The following SPTAN1 variants were observed in gnomAD, a reference collection of about 807,000 sequenced individuals.
SPTAN1 encodes spectrin alpha, non-erythrocytic 1.
A neutral mutation model predicts 331.3 loss-of-function variants in SPTAN1; 61 were observed. The observed-to-expected ratio is 0.18, with a 90% CI of 0.15 to 0.23. The LOEUF (loss-of-function observed/expected upper bound fraction) is 0.23, where lower values mean the gene tolerates loss of function less well. Ranked by LOEUF, SPTAN1 falls within the 10% of genes least tolerant of loss-of-function variation. The pLI is 1.00. For synonymous variants in SPTAN1, 1,153 were observed against 1,173.9 expected, an observed-to-expected ratio of 0.98 and a Z score of 0.36; for missense variants, 2,043 against 3,147.9, an observed-to-expected ratio of 0.65 and a Z score of 8.40.
At position 128,566,345 on chromosome 9, in the gene SPTAN1, C is replaced by T. The variant is rs552021457; in HGVS notation, c.-3-393C>T. 4.6e-5 allele frequency among the ~76,000 whole-genome samples: 7 copies of T among 152,208 alleles called. No individual in the cohort carries two copies. The East Asian group carries it at 9.7e-4, about 21-fold the overall frequency. ...TGTTGGGATTACAAGTGTGCGCCAC[C>T]GCACCCCCTGCTTGAAAGGACTTCT... is the stretch of plus-strand genomic sequence containing the variant. On this transcript the variant is annotated intron_variant, in intron 1 of 56. Coordinates refer to ENST00000372739, the MANE Select transcript of SPTAN1 (RefSeq NM_001130438.3).
At chr9:128,585,073 G>A (rs940286968) in intron 18 of SPTAN1, among the ~76,000 whole-genome samples, 1 of 148,504 alleles carries the variant, frequency 6.7e-6, no homozygotes, top group African/African-American at 2.5e-5. Context: ...GGAGTGCAGT[G>A]GCGCGGTCTC....
chr9:128,617,513 G>A (rs534989164), intron 41 of SPTAN1, 127 bp from the exon 42 acceptor site: 13 of 1,438,914 alleles, frequency 9.0e-6, no homozygotes, highest in Admixed American at 1.9e-5. Context: ...TTGTTGTTCA[G>A]AAAACTGGCA....
chr9:128,584,094 C>T, intron 16 of SPTAN1, 125 bp downstream of exon 16: 1 of 1,448,090 alleles, frequency 6.9e-7, no homozygotes, highest in South Asian at 1.2e-5. Flanking sequence ...TCTTAGATCG[C>T]TCTGTGCTGC....
intron 26 of SPTAN1, 154 bp from the exon 27 acceptor site, chr9:128,599,926 A>T (rs1854867171): frequency 1.3e-6 from 1 of 787,388 alleles, no homozygotes; most frequent in South Asian, 1.5e-5. Context: ...GTAGTTTGTT[A>T]CCAGCCAAAC....
chr9:128,622,135 C>T (rs1185399038), intron 45 of SPTAN1: 1 of 152,194 alleles, frequency 6.6e-6, no homozygotes, highest in Non-Finnish European at 1.5e-5. Flanking sequence ...TGCAAATAAA[C>T]TTGCGTGAAA....
chr9:128,562,390 C>T (rs558024865), intron 1 of SPTAN1, among the ~76,000 whole-genome samples: 31 of 152,070 alleles, frequency 2.0e-4, no homozygotes, highest in South Asian at 4.2e-4. Context: ...CGTGAGCCAC[C>T]GCGCCCAGCC....
rs1374814925 is a variant in SPTAN1, at chr9:128,608,122, C to T, written c.4345-8C>T. On this transcript the variant is annotated splice_polypyrimidine_tract_variant and splice_region_variant and intron_variant, in intron 33 of 56. Coordinates refer to ENST00000372739, the MANE Select transcript of SPTAN1 (RefSeq NM_001130438.3). The stretch of plus-strand genomic sequence containing the variant: ...CTCATTTTCTCACCTGCCTCTTGCC[C>T]TCTTTAGCTGTTCCATCGGGACTGT... The T allele has an allele frequency of 6.2e-7, 1 of 1,614,054 alleles. No homozygotes were observed. The highest frequency in any genetic ancestry group is 1.3e-5 in the African/African-American group (1 of 74,896).
At chr9:128,608,095 G>A (rs1177460392) in intron 33 of SPTAN1, 35 bp from the exon 34 acceptor site, 1 of 1,614,128 alleles carries the variant, frequency 6.2e-7, no homozygotes, top group East Asian at 2.2e-5. Flanking sequence ...TTGCTGAAGG[G>A]CCTCATTTTC....
At chr9:128,623,465 T>C (rs1329677037) in intron 45 of SPTAN1, among the ~76,000 whole-genome samples, 1 of 151,572 alleles carries the variant, frequency 6.6e-6, no homozygotes, top group African/African-American at 2.4e-5. Context: ...CCATTCGTTT[T>C]TTTTGTTTGA....
At position 128,624,508 on chromosome 9, in the gene SPTAN1, C is replaced by A. The variant is rs576843851; in HGVS notation, c.5992+21C>A. On this transcript the variant is annotated intron_variant, in intron 46 of 56. Transcript: ENST00000372739. ...GATCGGTGAGCACTGTCAGCAAGGC[C>A]CGGAAGAGCCTTCCCAGAGCTGCTC... is the stretch of plus-strand genomic sequence containing the variant. 16 of 1,611,802 alleles carry A rather than the reference C, an allele frequency of 9.9e-6. No individual in the cohort carries two copies. The East Asian group carries it at 3.6e-4, about 36-fold the overall frequency.
chr9:128,612,013 T>C, intron 38 of SPTAN1, 96 bp from the exon 39 acceptor site: 1 of 1,609,008 alleles, frequency 6.2e-7, no homozygotes, highest in Non-Finnish European at 8.5e-7. Context: ...ATGAGTGTTT[T>C]CCATTCTCTT....
In SPTAN1 at chr9:128,613,399, T is replaced by A; in HGVS notation, c.5062T>A (p.Ser1688Thr). 3 of 1,614,204 alleles carry A rather than the reference T, an allele frequency of 1.9e-6. No individual in the cohort carries two copies. The highest frequency in any genetic ancestry group is 2.5e-6 in the Non-Finnish European group (3 of 1,180,024). ...WLSEVEALLA[S>T]EDYGKDLASV... Reference sequence around the variant, plus strand: ...TTGCCAGGTGGAGGCCCTGCTGGCATCCGAAGATTATGGCAAAGACCTAGC... The same window carrying A: ...TTGCCAGGTGGAGGCCCTGCTGGCAACCGAAGATTATGGCAAAGACCTAGC... Residue 1688 changes from serine to threonine, a missense_variant, in exon 40 of 57, where the codon TCC (serine) becomes ACC (threonine). By Grantham distance (58) the Ser-to-Thr change is moderately conservative. Coordinates refer to ENST00000372739, the MANE Select transcript of SPTAN1 (RefSeq NM_001130438.3).
chr9:128,555,628 T>C (rs904051920), intron 1 of SPTAN1, among the ~76,000 whole-genome samples: 7 of 151,244 alleles, frequency 4.6e-5, no homozygotes, highest in Non-Finnish European at 7.4e-5. Context: ...GCCTTTTTTT[T>C]TTTTTTTTTT....
rs554491722 is a variant in SPTAN1, at chr9:128,629,481, C to T, written c.6708-840C>T. On this transcript the variant is annotated intron_variant, in intron 51 of 56. Coordinates refer to ENST00000372739, the MANE Select transcript of SPTAN1 (RefSeq NM_001130438.3). The surrounding 1 kb of genome is among the most constrained non-coding windows in gnomAD (Gnocchi z 4.9). ...GATTGCAGAGCTAACCCTGGCTCGC[C>T]GGGTTTTAAAAGGGTAGGTTGGGGT... 1.4e-4 allele frequency among the ~76,000 whole-genome samples: 21 copies of T among 152,198 alleles called. 1 individual carries two copies. The South Asian group carries it at 3.9e-3, about 29-fold the overall frequency.
intron 26 of SPTAN1, chr9:128,599,548 C>T (rs1854780201): frequency 5.8e-6 from 1 of 173,578 alleles, no homozygotes; most frequent in Non-Finnish European, 1.2e-5. Flanking sequence ...TGCTTTGTTG[C>T]CCAGACTGGA....
At chr9:128,624,256 T>A (rs1313256519) in intron 45 of SPTAN1, 72 bp from the exon 46 acceptor site, 1 of 1,599,218 alleles carries the variant, frequency 6.3e-7, no homozygotes, top group Non-Finnish European at 8.5e-7. Context: ...TTTAGAGCCT[T>A]TCCAGGGAGG....
At chr9:128,560,656 A>G (rs1367818505) in intron 1 of SPTAN1, among the ~76,000 whole-genome samples, 1 of 151,922 alleles carries the variant, frequency 6.6e-6, no homozygotes, top group Admixed American at 6.6e-5. Flanking sequence ...TTGGGATTAC[A>G]GGTGTGAGCC....
intron 1 of SPTAN1, among the ~76,000 whole-genome samples, chr9:128,560,271 A>G (rs1182558292): frequency 1.3e-5 from 2 of 151,522 alleles, no homozygotes; most frequent in East Asian, 1.9e-4. Context: ...TTTAATAGAG[A>G]CGAGGTTCCA....
At chr9:128,591,675 T>C in intron 22 of SPTAN1, 50 bp downstream of exon 22, 1 of 1,610,424 alleles carries the variant, frequency 6.2e-7, no homozygotes, top group East Asian at 2.2e-5. Context: ...ATAGGCATAC[T>C]CTGTTCCACA....
Sources: allele counts gnomAD v4.1 joint callset (sites outside exome capture counted in the v4.1 genomes callset), GRCh38; gene constraint gnomAD v4.1.1; non-coding constraint Gnocchi (gnomAD v3.1); transcripts MANE v1.5; gene names NCBI Gene and HGNC (gene_info 2026-07-23, HGNC 2026-07-21).